KATNAL2: variants seen among roughly 807,000 people sequenced by gnomAD.
The protein encoded by KATNAL2 is katanin catalytic subunit A1 like 2, also known as katanin p60 ATPase-containing subunit A-like 2.
KATNAL2 carries 52 observed loss-of-function variants against 76.3 expected under a neutral mutation model. The observed-to-expected ratio is 0.68, with a 90% CI of 0.55 to 0.86. The LOEUF is 0.86. Among genes scored for constraint, KATNAL2 ranks in the 40% least tolerant of loss-of-function variants. The pLI is 0.00. For synonymous variants in KATNAL2, 243 were observed against 244.2 expected, an observed-to-expected ratio of 1.00 and a Z score of 0.05; for missense variants, 660 against 668.9, an observed-to-expected ratio of 0.99 and a Z score of 0.15.
At chr18:47,097,668 T>C (rs1442216718) in intron 15 of KATNAL2, among the ~76,000 whole-genome samples, 2 of 152,250 alleles carry the variant, frequency 1.3e-5, no homozygotes, top group East Asian at 3.8e-4. Context: ...ATGATGCATA[T>C]GTGTTCACTG....
At chr18:47,070,404 T>C (rs979050900) in intron 13 of KATNAL2, among the ~76,000 whole-genome samples, 1 of 152,212 alleles carries the variant, frequency 6.6e-6, no homozygotes, top group Non-Finnish European at 1.5e-5. Flanking sequence ...GATTTTTTGC[T>C]TTCTTTCAGA....
chr18:46,927,502 C>T (rs1481936456), intron 1 of KATNAL2, among the ~76,000 whole-genome samples: 1 of 152,106 alleles, frequency 6.6e-6, no homozygotes, highest in South Asian at 2.1e-4. Context: ...ACCTTTCTCT[C>T]TGTCTGCCCT....
At chr18:47,032,931 G>C (rs538195277) in intron 3 of KATNAL2, 5 of 1,610,460 alleles carry the variant, frequency 3.1e-6, no homozygotes. Context: ...TGGAAGTTTC[G>C]TTCCCCAACC....
intron 3 of KATNAL2, among the ~76,000 whole-genome samples, chr18:46,951,725 C>G (rs1370051494): frequency 2.0e-5 from 3 of 152,130 alleles, no homozygotes; most frequent in Admixed American, 6.6e-5. Flanking sequence ...CAGGTTAATA[C>G]TCTAGGTTGG....
At chr18:47,044,631 G>A (rs2061088598) in intron 3 of KATNAL2, among the ~76,000 whole-genome samples, 1 of 151,854 alleles carries the variant, frequency 6.6e-6, no homozygotes, top group African/African-American at 2.4e-5. Context: ...TGTGGTAGCG[G>A]GCTTCTGTAA....
intron 3 of KATNAL2, chr18:47,034,999 T>A (rs748535609): frequency 6.2e-7 from 1 of 1,611,480 alleles, no homozygotes; most frequent in African/African-American, 1.3e-5. Flanking sequence ...CTCCTCAGGG[T>A]CCTGTGGGCC....
intron 3 of KATNAL2, among the ~76,000 whole-genome samples, chr18:46,967,136 C>G (rs1339469094): frequency 8.3e-6 from 1 of 120,062 alleles, no homozygotes; most frequent in African/African-American, 3.2e-5. Flanking sequence ...CGTGAGTCAC[C>G]GTGCCCGGAC....
chr18:47,034,968 G>C, intron 3 of KATNAL2: 1 of 1,611,700 alleles, frequency 6.2e-7, no homozygotes, highest in African/African-American at 1.3e-5. Context: ...GAGCCTCCCC[G>C]AAGCGCTGTC....
intron 1 of KATNAL2, among the ~76,000 whole-genome samples, chr18:46,937,977 TC>T (rs1424407094): frequency 6.6e-6 from 1 of 151,992 alleles, no homozygotes; most frequent in African/African-American, 2.4e-5. Flanking sequence ...ACACCTGTAG[TC>T]CCAGCTAATT....
chr18:47,073,821 A>T (rs1224333244), intron 13 of KATNAL2, among the ~76,000 whole-genome samples: 1 of 152,230 alleles, frequency 6.6e-6, no homozygotes, highest in Non-Finnish European at 1.5e-5. Context: ...TAATGCTTCC[A>T]GAAACACTTA....
Position 46,946,958 on chromosome 18 carries a change from A to G in KATNAL2, c.51+35A>G, listed in dbSNP as rs1053919055. ...GCATATATAAAACATGATTATACCA[A>G]GAACCCCTCTCCTACTGTTGCTGCG... On this transcript the variant is annotated intron_variant, in intron 3 of 17. Transcript: ENST00000683218. The G allele has an allele frequency of 3.8e-6, 5 of 1,312,128 alleles. No homozygotes were observed. In the African/African-American group the frequency reaches 5.8e-5, roughly 15 times the overall value. The allele number at this position is 1,312,128 out of a possible 1,614,324, so 81.3% of individuals were successfully genotyped here.
At chr18:46,928,671 G>A (rs1234221896) in intron 1 of KATNAL2, among the ~76,000 whole-genome samples, 3 of 152,134 alleles carry the variant, frequency 2.0e-5, no homozygotes, top group African/African-American at 4.8e-5. Flanking sequence ...GATGTGGACC[G>A]GAGCTGTTCC....
intron 1 of KATNAL2, among the ~76,000 whole-genome samples, chr18:46,918,206 C>T (rs1368596147): frequency 6.6e-6 from 1 of 152,082 alleles, no homozygotes; most frequent in Non-Finnish European, 1.5e-5. Flanking sequence ...TGATGGCCCC[C>T]CCGTAATGTG....
At chr18:47,031,872 C>T (rs551538377) in intron 3 of KATNAL2, among the ~76,000 whole-genome samples, 1 of 152,154 alleles carries the variant, frequency 6.6e-6, no homozygotes, top group African/African-American at 2.4e-5. Context: ...CCCTTTGTCT[C>T]CATCCTGGCT....
chr18:46,961,750 G>A (rs1048677208), intron 3 of KATNAL2, among the ~76,000 whole-genome samples: 1 of 152,172 alleles, frequency 6.6e-6, no homozygotes, highest in Non-Finnish European at 1.5e-5. Context: ...CTGATATTCA[G>A]GTGAGAGAAA....
At chr18:47,068,350 T>C (rs1216281948) in intron 11 of KATNAL2, among the ~76,000 whole-genome samples, 1 of 152,236 alleles carries the variant, frequency 6.6e-6, no homozygotes, top group Non-Finnish European at 1.5e-5. Context: ...CAAAAATCAA[T>C]ACATTTGGAT....
At chr18:46,961,710 G>A (rs1206386778) in intron 3 of KATNAL2, among the ~76,000 whole-genome samples, 2 of 152,178 alleles carry the variant, frequency 1.3e-5, no homozygotes, top group South Asian at 2.1e-4. Context: ...TTGGCAGACA[G>A]CAATTGCTCA....
At chr18:47,050,619 C>T (rs1005309139) in intron 4 of KATNAL2, among the ~76,000 whole-genome samples, 1 of 152,182 alleles carries the variant, frequency 6.6e-6, no homozygotes, top group African/African-American at 2.4e-5. Context: ...TCTACTAGAA[C>T]TGATCATTTT....
At position 47,101,249 on chromosome 18, in the gene KATNAL2, G is replaced by A. The variant is rs527735214; in HGVS notation, c.*244G>A. On this transcript the variant is annotated 3_prime_UTR_variant, in exon 18 of 18. Transcript: ENST00000683218. Reference sequence around the variant, plus strand: ...ATATGTGCTATTGGGTCATACAATGGAGATTTTTCTGACAATTAGACTCCA... The same window carrying A: ...ATATGTGCTATTGGGTCATACAATGAAGATTTTTCTGACAATTAGACTCCA... 4.2e-5 allele frequency: 16 copies of A among 379,032 alleles called. No homozygotes were observed. In the South Asian group the frequency reaches 8.4e-4, roughly 20 times the overall value. The allele number at this position is 379,032 out of a possible 1,614,324, so 23.5% of individuals were successfully genotyped here. A position where few individuals can be genotyped will look rare whatever the true frequency, so the allele number is the denominator to read the frequency against.
Sources: allele counts gnomAD v4.1 joint callset (sites outside exome capture counted in the v4.1 genomes callset), GRCh38; gene constraint gnomAD v4.1.1; transcripts MANE v1.5; gene names NCBI Gene and HGNC (gene_info 2026-07-23, HGNC 2026-07-21).